SNX27: variants seen among roughly 807,000 people sequenced by gnomAD.
SNX27 encodes sorting nexin 27.
In SNX27, 22 loss-of-function variants were observed where a neutral mutation model predicts 71.6. That is an observed-to-expected ratio of 0.31 (90% confidence interval 0.22 to 0.44). The LOEUF (loss-of-function observed/expected upper bound fraction) is 0.44, where lower values mean the gene tolerates loss of function less well. Ranked by LOEUF, SNX27 falls within the 20% of genes least tolerant of loss-of-function variation. SNX27 has a pLI of 1.00. For synonymous variants in SNX27, 269 were observed against 277.2 expected (o/e 0.97, Z 0.29); for missense variants, 531 against 698.6 (o/e 0.76, Z 2.70).
chr1:151,658,348 C>T lies in SNX27; in HGVS notation c.657C>T (p.Leu219=). The T allele has an allele frequency of 6.2e-7, 1 of 1,614,138 alleles. No homozygotes were observed. The highest frequency in any genetic ancestry group is 8.5e-7 in the Non-Finnish European group (1 of 1,180,018). Residue 219 remains leucine, a synonymous_variant, in exon 3 of 12, where the codon CTC becomes CTT. Transcript: ENST00000458013. ...REFANFTFPR[L]PGKWPFSLSE... ...TTGCCAACTTTACATTTCCTCGACTCCCAGGGAAGTGGCCATTTTCATTAT... is the reference window on the plus strand; with the variant it reads ...TTGCCAACTTTACATTTCCTCGACTTCCAGGGAAGTGGCCATTTTCATTAT...
intron 7 of SNX27, among the ~76,000 whole-genome samples, chr1:151,682,744 T>C (rs1671023084): frequency 6.6e-6 from 1 of 152,028 alleles, no homozygotes; most frequent in Non-Finnish European, 1.5e-5. Flanking sequence ...TTTAAAACTA[T>C]CAGATCTAGG....
At chr1:151,634,817 C>T (rs972102989) in intron 1 of SNX27, among the ~76,000 whole-genome samples, 2 of 152,164 alleles carry the variant, frequency 1.3e-5, no homozygotes, top group Non-Finnish European at 2.9e-5. Context: ...TACCTGTATA[C>T]CTATCACCTA....
chr1:151,637,537 C>A (rs1216989230), intron 1 of SNX27, among the ~76,000 whole-genome samples: 4 of 152,178 alleles, frequency 2.6e-5, no homozygotes, highest in African/African-American at 7.2e-5. Flanking sequence ...AAGTTTCCAT[C>A]AGTGAAAGGG....
intron 5 of SNX27, among the ~76,000 whole-genome samples, chr1:151,665,685 T>C (rs1670158236): frequency 6.6e-6 from 1 of 152,244 alleles, no homozygotes; most frequent in Non-Finnish European, 1.5e-5. Context: ...GAGAAGCTCG[T>C]ATTTAGAGAT....
intron 11 of SNX27, 79 bp from the exon 12 acceptor site, chr1:151,694,291 T>C (rs1411465458): frequency 6.5e-7 from 1 of 1,539,616 alleles, no homozygotes; most frequent in East Asian, 2.5e-5. Flanking sequence ...GGCATACCTT[T>C]TTAGCTTCTG....
rs1276709262 is a variant in SNX27 at position 151,695,890 on chromosome 1, C to T, written c.*1473C>T. ...TAACCACCCATAACTACGGCATTCT[C>T]TGTGACTTCCTTAAACAGCAGTGAT... On this transcript the variant is annotated 3_prime_UTR_variant, in exon 12 of 12. Transcript: ENST00000458013. 1 of 152,302 alleles carries T rather than the reference C, an allele frequency of 6.6e-6. No individual in the cohort carries two copies. Among genetic ancestry groups the T allele is most frequent in the Non-Finnish European group, 1.5e-5 (1 of 68,106 alleles). 9.4% of individuals were successfully genotyped at this position (152,302 alleles called of 1,614,324 possible).
intron 1 of SNX27, among the ~76,000 whole-genome samples, chr1:151,622,235 T>G (rs560908096): frequency 1.1e-4 from 16 of 152,364 alleles, no homozygotes; most frequent in Admixed American, 2.6e-4. Context: ...GTAAAGACTG[T>G]CTTTCATAAA....
chr1:151,620,783 A>G (rs1667636342), intron 1 of SNX27, among the ~76,000 whole-genome samples: 2 of 149,750 alleles, frequency 1.3e-5, no homozygotes, highest in Non-Finnish European at 3.0e-5. Flanking sequence ...TCAGCCTCCC[A>G]GGTTCAAGCA....
intron 2 of SNX27, among the ~76,000 whole-genome samples, chr1:151,643,121 C>A (rs1168212344): frequency 2.6e-5 from 4 of 151,582 alleles, no homozygotes; most frequent in African/African-American, 9.7e-5. Flanking sequence ...TGTGCCACCA[C>A]ACCCGGCCAA....
At chr1:151,619,343 AAAAC>A (rs1242518166) in intron 1 of SNX27, among the ~76,000 whole-genome samples, 4 of 152,344 alleles carry the variant, frequency 2.6e-5, no homozygotes, top group Non-Finnish European at 4.4e-5. Context: ...TCTCAAAAAT[AAAAC>A]AAAACTGAAC....
intron 8 of SNX27, among the ~76,000 whole-genome samples, chr1:151,691,771 C>T (rs1200151723): frequency 6.6e-6 from 1 of 152,094 alleles, no homozygotes; most frequent in Admixed American, 6.5e-5. Flanking sequence ...GCCTCGGCCT[C>T]TCAAAGTGTT....
chr1:151,622,794 C>A (rs1257924139), intron 1 of SNX27, among the ~76,000 whole-genome samples: 1 of 151,882 alleles, frequency 6.6e-6, no homozygotes, highest in African/African-American at 2.4e-5. Flanking sequence ...CTTTCTTTCC[C>A]ATTTCTTTTT....
chr1:151,628,751 A>G lies in SNX27; in HGVS notation c.312-10137A>G, dbSNP rs187305119. The stretch of plus-strand genomic sequence containing the variant: ...GATGATGAATGATATTGAGCATCTT[A>G]TATGCTTATTTGCCATCTGTATATC... On this transcript the variant is annotated intron_variant, in intron 1 of 11. Transcript: ENST00000458013. Among the ~76,000 whole-genome samples the G allele has an allele frequency of 6.8e-4, 103 of 152,258 alleles. 1 individual carries two copies. Among genetic ancestry groups the G allele is most frequent in the African/African-American group, 2.4e-3 (99 of 41,554 alleles).
chr1:151,665,689 T>C (rs1670158375), intron 5 of SNX27, among the ~76,000 whole-genome samples: 1 of 152,216 alleles, frequency 6.6e-6, no homozygotes, highest in Non-Finnish European at 1.5e-5. Flanking sequence ...AGCTCGTATT[T>C]AGAGATAATA....
intron 7 of SNX27, chr1:151,679,209 G>A (rs1670832991): frequency 1.3e-5 from 2 of 152,136 alleles, no homozygotes; most frequent in African/African-American, 2.4e-5. Flanking sequence ...ATTATTTTAT[G>A]TATTGATAAG....
In SNX27 at chr1:151,651,327, G is replaced by C. The variant is rs1361768494; in HGVS notation, c.544-6908G>C. Among the ~76,000 whole-genome samples the C allele has an allele frequency of 2.0e-5, 3 of 150,204 alleles. No homozygotes were observed. The East Asian group carries it at 6.0e-4, about 30-fold the overall frequency. On this transcript the variant is annotated intron_variant, in intron 2 of 11. Coordinates refer to ENST00000458013, the MANE Select transcript of SNX27 (RefSeq NM_001330723.2). Reference sequence around the variant, plus strand: ...AGATGGGGCGGCTGGCGGGGCGGGGGGCTGACCCCCCCCACCTCCCTCCCG... The same window carrying C: ...AGATGGGGCGGCTGGCGGGGCGGGGCGCTGACCCCCCCCACCTCCCTCCCG...
At position 151,612,134 on chromosome 1, in the gene SNX27, C is replaced by T. The variant is rs1667200990; in HGVS notation, c.-68C>T. ...CGTCGGGGGTCGTCCGGCTGCCAGG[C>T]AGGGCGAGCACGCGCCGGGAGGCCT... On this transcript the variant is annotated 5_prime_UTR_variant, in exon 1 of 12. Transcript: ENST00000458013. This position sits in a 1 kb window ranked among gnomAD's most constrained non-coding sequence, Gnocchi z 5.2. 1 of 1,271,944 alleles carries T rather than the reference C, an allele frequency of 7.9e-7. No homozygotes were observed. The highest frequency in any genetic ancestry group is 9.9e-7 in the Non-Finnish European group (1 of 1,006,474). 78.8% of individuals were successfully genotyped at this position (1,271,944 alleles called of 1,614,324 possible). A position where few individuals can be genotyped will look rare whatever the true frequency, so the allele number is the denominator to read the frequency against.
chr1:151,628,253 C>T (rs1024873177), intron 1 of SNX27, among the ~76,000 whole-genome samples: 2 of 152,108 alleles, frequency 1.3e-5, no homozygotes, highest in South Asian at 2.1e-4. Context: ...GTGAAACGCC[C>T]ATCTTCGCCT....
In SNX27 at chr1:151,692,922, T is replaced by G; in HGVS notation, c.1401T>G (p.Ile467Met). 1 of 1,614,164 alleles carries G rather than the reference T, an allele frequency of 6.2e-7. No homozygotes were observed. The highest frequency in any genetic ancestry group is 8.5e-7 in the Non-Finnish European group (1 of 1,180,006). Reference protein sequence around the residue: ...TEEGQLENQVIAFEWDEMQRW... With the variant: ...TEEGQLENQVMAFEWDEMQRW... ...TCTTGGTTGTCCAGAACCAGGTAAT[T>G]GCATTTGAATGGGATGAGATGCAGC... The change falls in exon 10 of 12, where the codon ATT (isoleucine) becomes ATG (methionine). Residue 467 changes from isoleucine to methionine, a missense_variant. Coordinates refer to ENST00000458013, the MANE Select transcript of SNX27 (RefSeq NM_001330723.2).
Sources: allele counts gnomAD v4.1 joint callset (sites outside exome capture counted in the v4.1 genomes callset), GRCh38; gene constraint gnomAD v4.1.1; non-coding constraint Gnocchi (gnomAD v3.1); transcripts MANE v1.5; gene names NCBI Gene and HGNC (gene_info 2026-07-23, HGNC 2026-07-21).